The following TPD52 variants were observed in gnomAD, a reference collection of about 807,000 sequenced individuals.
TPD52 encodes the protein tumor protein D52, also known as prostate and colon associated protein.
In TPD52, 17 loss-of-function variants were observed where a neutral mutation model predicts 31.3. That is an observed-to-expected ratio of 0.54 (90% CI 0.37 to 0.82). The LOEUF is 0.82. Ranked by LOEUF, TPD52 falls within the 40% of genes least tolerant of loss-of-function variation. The pLI, the probability that TPD52 is intolerant of heterozygous loss-of-function variation, is 0.00. For missense variants in TPD52, 212 were observed against 240.1 expected, an observed-to-expected ratio of 0.88 and a Z score of 0.77; for synonymous variants, 83 against 89.6, an observed-to-expected ratio of 0.93 and a Z score of 0.42.
rs184178725 is a variant in TPD52 at position 80,046,159 on chromosome 8, A to C, written c.414-1951T>G. Among the ~76,000 whole-genome samples, 1,039 of 152,344 alleles carry C rather than the reference A, an allele frequency of 6.8e-3. 10 individuals are homozygous for C. Among genetic ancestry groups the C allele is most frequent in the Non-Finnish European group, 0.011 (776 of 68,028 alleles). On this transcript the variant is annotated intron_variant, in intron 5 of 7. Coordinates refer to ENST00000518937, the MANE Select transcript of TPD52 (RefSeq NM_001025253.3). The stretch of plus-strand genomic sequence containing the variant: ...TGTTTCAGTGGTAATATATAAGGAA[A>C]GGCAAGGAAGTGACTAGACTGTTTA...
intron 1 of TPD52, among the ~76,000 whole-genome samples, chr8:80,088,780 G>A (rs952435715): frequency 1.3e-5 from 2 of 152,158 alleles, no homozygotes; most frequent in African/African-American, 4.8e-5. Flanking sequence ...CAATAGGACT[G>A]CTGTCCTAGT....
At chr8:80,154,752 C>A (rs6982962) in intron 1 of TPD52, among the ~76,000 whole-genome samples, 85,603 of 139,324 alleles carry the variant, frequency 0.61, 25,099 homozygotes, top group East Asian at 0.8. Flanking sequence ...CACACACACA[C>A]AAAACACCTA....
chr8:80,098,132 C>T (rs1806469041), intron 1 of TPD52, among the ~76,000 whole-genome samples: 2 of 152,214 alleles, frequency 1.3e-5, no homozygotes, highest in Non-Finnish European at 2.9e-5. Context: ...CCAAATATTA[C>T]TGCTCATTTA....
intron 1 of TPD52, 63 bp from the exon 2 acceptor site, chr8:80,064,656 C>G (rs1812928210): frequency 2.6e-6 from 3 of 1,156,366 alleles, no homozygotes; most frequent in Admixed American, 3.4e-5. Flanking sequence ...TATTTAAGCT[C>G]CTCCACTGTC....
downstream of TPD52, among the ~76,000 whole-genome samples, chr8:80,032,557 G>A (rs1809720679): frequency 6.6e-6 from 1 of 152,208 alleles, no homozygotes. Flanking sequence ...CAAGGAAAGT[G>A]AACAGAAAAT....
At position 80,107,263 on chromosome 8, in the gene TPD52, T is replaced by C. The variant is rs562340550; in HGVS notation, c.20-42670A>G. 2.6e-5 allele frequency among the ~76,000 whole-genome samples: 4 copies of C among 152,330 alleles called. No homozygotes were observed. In the South Asian group the frequency reaches 8.3e-4, roughly 32 times the overall value. On this transcript the variant is annotated intron_variant, in intron 1 of 7. Transcript: ENST00000518937. ...TAATTTCAAAGCCCACTTGGACCTT[T>C]TGTTTTTCCTACAGCATTCCAAGCA...
At chr8:80,076,676 T>TTTTTG (rs111591382) in intron 1 of TPD52, among the ~76,000 whole-genome samples, 15 of 150,998 alleles carry the variant, frequency 9.9e-5, no homozygotes, top group Admixed American at 2.0e-4. Flanking sequence ...TAAAAGGGTT[T>TTTTTG]TTTGTTTGTT....
At chr8:80,143,491 G>T (rs2131155559) in intron 1 of TPD52, among the ~76,000 whole-genome samples, 1 of 152,310 alleles carries the variant, frequency 6.6e-6, no homozygotes, top group Middle Eastern at 3.4e-3. Flanking sequence ...TTGGCAGGAA[G>T]CCACCCACAG....
At chr8:80,084,498 C>T (rs966629622) in intron 1 of TPD52, among the ~76,000 whole-genome samples, 12 of 152,238 alleles carry the variant, frequency 7.9e-5, no homozygotes, top group African/African-American at 2.4e-4. Flanking sequence ...GCAAGAGACT[C>T]AGTGCTGAGA....
chr8:80,114,763 TTATC>T (rs1473148581), intron 1 of TPD52, among the ~76,000 whole-genome samples: 1 of 152,184 alleles, frequency 6.6e-6, no homozygotes, highest in Non-Finnish European at 1.5e-5. Context: ...CACAATATCT[TTATC>T]TATCAACGTG....
At chr8:80,094,182 T>A (rs915459918) in intron 1 of TPD52, among the ~76,000 whole-genome samples, 2 of 151,806 alleles carry the variant, frequency 1.3e-5, no homozygotes, top group Non-Finnish European at 2.9e-5. Context: ...AAAGAGAGCA[T>A]GGGATGGAAA....
At chr8:80,121,093 A>G (rs1400394418) in intron 1 of TPD52, among the ~76,000 whole-genome samples, 4 of 151,904 alleles carry the variant, frequency 2.6e-5, no homozygotes. Context: ...AAAAAAAAAA[A>G]AGGAAAAAGA....
At chr8:80,120,574 T>C (rs1363751242) in intron 1 of TPD52, among the ~76,000 whole-genome samples, 1 of 152,196 alleles carries the variant, frequency 6.6e-6, no homozygotes, top group Non-Finnish European at 1.5e-5. Flanking sequence ...ACACAATATA[T>C]GCATAGAAGT....
chr8:80,154,747 AC>A (rs1554595102), intron 1 of TPD52, among the ~76,000 whole-genome samples: 7,340 of 76,348 alleles, frequency 0.096, 626 homozygotes, highest in African/African-American at 0.22. Context: ...ACACACACAC[AC>A]ACACAAAACA....
At chr8:80,080,223 T>C in intron 1 of TPD52, 1 of 1,177,464 alleles carries the variant, frequency 8.5e-7, no homozygotes, top group Non-Finnish European at 1.2e-6. Flanking sequence ...CCCTGGTACA[T>C]CTTTACACTA....
chr8:80,119,209 T>C (rs899291195), intron 1 of TPD52, among the ~76,000 whole-genome samples: 2 of 152,070 alleles, frequency 1.3e-5, no homozygotes, highest in African/African-American at 4.8e-5. Flanking sequence ...ATATCCAAAA[T>C]AGGCAAATTT....
intron 1 of TPD52, among the ~76,000 whole-genome samples, chr8:80,124,666 G>A (rs551632556): frequency 6.6e-6 from 1 of 152,282 alleles, no homozygotes; most frequent in East Asian, 1.9e-4. Flanking sequence ...ATGTTTATAT[G>A]AATTTCACTA....
chr8:80,116,964 A>C (rs1807906910), intron 1 of TPD52, among the ~76,000 whole-genome samples: 1 of 152,190 alleles, frequency 6.6e-6, no homozygotes, highest in Non-Finnish European at 1.5e-5. Flanking sequence ...ACCCTTTATG[A>C]TCAAAACACT....
At chr8:80,109,338 C>A (rs565519323) in intron 1 of TPD52, among the ~76,000 whole-genome samples, 1 of 152,266 alleles carries the variant, frequency 6.6e-6, no homozygotes, top group Non-Finnish European at 1.5e-5. Flanking sequence ...ATTCTTACTG[C>A]ACTTACATAA....
Sources: gnomAD v4.1 joint callset for allele counts (sites outside exome capture counted in the v4.1 genomes callset) on GRCh38, gnomAD v4.1.1 for gene constraint, MANE v1.5 for transcripts, NCBI Gene and HGNC (gene_info 2026-07-23, HGNC 2026-07-21) for gene names.